Variants in CAMK1D observed in about 807,000 individuals in gnomAD.
CAMK1D encodes the protein calcium/calmodulin dependent protein kinase ID, also known as calcium/calmodulin-dependent protein kinase type 1D.
A neutral mutation model predicts 47.7 loss-of-function variants in CAMK1D; 9 were observed. The observed-to-expected ratio is 0.19, with a 90% CI of 0.11 to 0.33. The LOEUF is 0.33. CAMK1D is among the 10% of genes least tolerant of loss of function. CAMK1D has a pLI of 1.00. For synonymous variants in CAMK1D, 184 were observed against 184.9 expected (o/e 0.99, Z 0.04); for missense variants, 291 against 488.7 (o/e 0.60, Z 3.81).
intron 3 of CAMK1D, among the ~76,000 whole-genome samples, chr10:12,693,757 A>G (rs1259019432): frequency 1.3e-5 from 2 of 150,122 alleles, no homozygotes; most frequent in Non-Finnish European, 2.9e-5. Context: ...GACAGCCCTC[A>G]CAATTGTGTG....
rs1010329136 is a variant in CAMK1D, at chr10:12,492,677, G to T, written c.93-60548G>T. 3.8e-4 allele frequency among the ~76,000 whole-genome samples: 58 copies of T among 152,198 alleles called. 1 individual carries two copies. The highest frequency in any genetic ancestry group is 1.3e-3 in the African/African-American group (52 of 41,452). ...TAACAAAAATGCACGCACAGCCACT[G>T]TTTGACAGTCATGGTATCACATGGT... On this transcript the variant is annotated intron_variant, in intron 1 of 10. Transcript: ENST00000619168.
At chr10:12,388,964 C>A (rs1449477285) in intron 1 of CAMK1D, among the ~76,000 whole-genome samples, 1 of 152,166 alleles carries the variant, frequency 6.6e-6, no homozygotes, top group Non-Finnish European at 1.5e-5. Flanking sequence ...ACTTGGGAAG[C>A]ACATTGTCGT....
intron 6 of CAMK1D, among the ~76,000 whole-genome samples, chr10:12,792,658 G>A (rs1328165105): frequency 6.6e-6 from 1 of 152,074 alleles, no homozygotes. Flanking sequence ...GCGTTCAGCT[G>A]GGCTGCATTT....
At chr10:12,365,159 T>C (rs1442350840) in intron 1 of CAMK1D, among the ~76,000 whole-genome samples, 1 of 152,064 alleles carries the variant, frequency 6.6e-6, no homozygotes, top group Non-Finnish European at 1.5e-5. Flanking sequence ...TTTCACCATG[T>C]TGGCCGGGCT....
In CAMK1D at chr10:12,400,709, A is replaced by T. The variant is rs144841794; in HGVS notation, c.92+50799A>T. ...TCTGGAATCCCCACTTGAGGGCTTT[A>T]TGTTTTCACAGATGGAGACTTACAA... On this transcript the variant is annotated intron_variant, in intron 1 of 10. Transcript: ENST00000619168. 2.1e-3 allele frequency among the ~76,000 whole-genome samples: 326 copies of T among 152,164 alleles called. 2 individuals are homozygous for T. The highest frequency in any genetic ancestry group is 4.1e-3 in the Non-Finnish European group (276 of 67,996).
At chr10:12,821,211 C>T (rs1158154816) in intron 8 of CAMK1D, among the ~76,000 whole-genome samples, 2 of 152,304 alleles carry the variant, frequency 1.3e-5, no homozygotes, top group African/African-American at 2.4e-5. Context: ...TGAACGAGGC[C>T]CACCCATGGC....
chr10:12,809,220 C>T (rs1267135806), intron 6 of CAMK1D, among the ~76,000 whole-genome samples: 3 of 152,132 alleles, frequency 2.0e-5, no homozygotes, highest in South Asian at 2.1e-4. Flanking sequence ...TTGATTTGCA[C>T]TTCCCTGATG....
At chr10:12,679,190 A>G (rs1397495175) in intron 3 of CAMK1D, among the ~76,000 whole-genome samples, 1 of 152,270 alleles carries the variant, frequency 6.6e-6, no homozygotes, top group Non-Finnish European at 1.5e-5. Flanking sequence ...GTACAGTTTA[A>G]AAATTCCATA....
At chr10:12,428,087 T>G (rs990558959) in intron 1 of CAMK1D, among the ~76,000 whole-genome samples, 2 of 152,082 alleles carry the variant, frequency 1.3e-5, no homozygotes, top group East Asian at 3.9e-4. Context: ...GTTACATAGG[T>G]ATTCACATGC....
chr10:12,406,246 GTTTCCAGATACCCC>G (rs1839419929), intron 1 of CAMK1D, among the ~76,000 whole-genome samples: 1 of 152,112 alleles, frequency 6.6e-6, no homozygotes, highest in Non-Finnish European at 1.5e-5. Flanking sequence ...TTTCTGACTT[GTTTCCAGATACCCC>G]TGGGGAAACA....
rs572470614 is a variant in CAMK1D, at chr10:12,603,638, C to T, written c.224+50282C>T. On this transcript the variant is annotated intron_variant, in intron 2 of 10. Coordinates refer to ENST00000619168, the MANE Select transcript of CAMK1D (RefSeq NM_153498.4). ...AGAAGGGTGCAGAAGGCAGTCAGCC[C>T]GCGGCTGGATTAGCACCCGCTGGGG... Among the ~76,000 whole-genome samples, 3 of 152,242 alleles carry T rather than the reference C, an allele frequency of 2.0e-5. No homozygotes were observed. The East Asian group carries it at 5.8e-4, about 29-fold the overall frequency.
At chr10:12,469,108 G>A (rs1046231651) in intron 1 of CAMK1D, among the ~76,000 whole-genome samples, 1 of 152,096 alleles carries the variant, frequency 6.6e-6, no homozygotes, top group Non-Finnish European at 1.5e-5. Context: ...AGGAAATGGG[G>A]TGAGGAGAGG....
chr10:12,470,796 C>T (rs1280331329), intron 1 of CAMK1D, among the ~76,000 whole-genome samples: 8 of 152,168 alleles, frequency 5.3e-5, no homozygotes, highest in African/African-American at 1.9e-4. Context: ...AGATTACAGG[C>T]GTGAGCCACC....
At chr10:12,730,150 G>A (rs1303316615) in intron 3 of CAMK1D, among the ~76,000 whole-genome samples, 3 of 152,196 alleles carry the variant, frequency 2.0e-5, no homozygotes, top group Admixed American at 6.5e-5. Context: ...CCCAGTGACC[G>A]AGGGACCTAG....
intron 6 of CAMK1D, among the ~76,000 whole-genome samples, chr10:12,808,085 T>C (rs1838817975): frequency 6.6e-6 from 1 of 152,170 alleles, no homozygotes; most frequent in African/African-American, 2.4e-5. Context: ...TGCCCCATGC[T>C]CTTATTCCTG....
chr10:12,725,909 A>G (rs942896757), intron 3 of CAMK1D, among the ~76,000 whole-genome samples: 9 of 151,560 alleles, frequency 5.9e-5, no homozygotes, highest in Non-Finnish European at 1.3e-4. Context: ...GGCGCCCACC[A>G]TCACACCCAG....
intron 1 of CAMK1D, among the ~76,000 whole-genome samples, chr10:12,364,746 C>G (rs1837783126): frequency 6.6e-6 from 1 of 152,142 alleles, no homozygotes; most frequent in Non-Finnish European, 1.5e-5. Context: ...ATTTGTAGCT[C>G]TTGCTGATTT....
intron 5 of CAMK1D, among the ~76,000 whole-genome samples, chr10:12,784,571 C>A (rs1026137864): frequency 6.6e-6 from 1 of 152,162 alleles, no homozygotes; most frequent in Non-Finnish European, 1.5e-5. Context: ...GTGAATTCTG[C>A]CTCTTTTCTC....
intron 1 of CAMK1D, among the ~76,000 whole-genome samples, chr10:12,468,704 A>G (rs1372476531): frequency 1.3e-5 from 2 of 152,118 alleles, no homozygotes; most frequent in African/African-American, 4.8e-5. Flanking sequence ...CCTCCAGCCC[A>G]TGTGATGGGC....
Sources: allele counts gnomAD v4.1 joint callset (sites outside exome capture counted in the v4.1 genomes callset), GRCh38; gene constraint gnomAD v4.1.1; transcripts MANE v1.5; gene names NCBI Gene and HGNC (gene_info 2026-07-23, HGNC 2026-07-21).